The following SPATA7 variants were observed in gnomAD, a reference collection of about 807,000 sequenced individuals.
SPATA7 encodes spermatogenesis associated 7.
A neutral mutation model predicts 51.8 loss-of-function variants in SPATA7; 43 were observed. The ratio of observed to expected loss-of-function variants is 0.83; its 90% CI spans 0.65 to 1.07. The LOEUF (loss-of-function observed/expected upper bound fraction) is 1.07, where lower values mean the gene tolerates loss of function less well. SPATA7 is among the 50% of genes least tolerant of loss of function. The pLI is 0.00. For synonymous variants in SPATA7, 230 were observed against 252.8 expected (o/e 0.91, Z 0.86); for missense variants, 683 against 701.3 (o/e 0.97, Z 0.30).
chr14:88,442,172 C>CTGTT (rs56376187), downstream of SPATA7, among the ~76,000 whole-genome samples: 86,837 of 149,280 alleles, frequency 0.58, 26,073 homozygotes, highest in East Asian at 0.73. Context: ...GTCTATATGC[C>CTGTT]TGTTTGTTTG....
intron 3 of SPATA7, among the ~76,000 whole-genome samples, chr14:88,443,561 C>T (rs1261107862): frequency 1.3e-5 from 2 of 152,038 alleles, no homozygotes; most frequent in African/African-American, 4.8e-5. Flanking sequence ...ATACATGTGC[C>T]ATGCTGGTGC....
chr14:88,461,120 C>T (rs2077314474), intron 4 of SPATA7, among the ~76,000 whole-genome samples: 1 of 152,216 alleles, frequency 6.6e-6, no homozygotes, highest in Non-Finnish European at 1.5e-5. Flanking sequence ...TCTGCCCCTA[C>T]TGGGAGGTGC....
chr14:88,413,741 GT>G (rs34039966), intron 4 of SPATA7, among the ~76,000 whole-genome samples: 5,370 of 145,238 alleles, frequency 0.037, 306 homozygotes, highest in African/African-American at 0.13. Context: ...TTTGTTGAGG[GT>G]TTTTTTTTTT....
chr14:88,424,276 T>A (rs974665555), intron 5 of SPATA7, among the ~76,000 whole-genome samples: 1 of 152,200 alleles, frequency 6.6e-6, no homozygotes, highest in African/African-American at 2.4e-5. Context: ...AGATGCAGAT[T>A]GGTACAGTGG....
At chr14:88,419,893 A>G (rs2076593033) in intron 5 of SPATA7, among the ~76,000 whole-genome samples, 1 of 152,022 alleles carries the variant, frequency 6.6e-6, no homozygotes, top group Non-Finnish European at 1.5e-5. Context: ...ACAAAATTTG[A>G]AGACAACACC....
intron 4 of SPATA7, chr14:88,468,919 A>G: frequency 6.2e-7 from 1 of 1,614,070 alleles, no homozygotes; most frequent in Middle Eastern, 1.7e-4. Flanking sequence ...CCATCACCTC[A>G]TTGTGTTCCA....
chr14:88,395,870 T>G (rs2075865479), intron 3 of SPATA7, among the ~76,000 whole-genome samples: 1 of 152,128 alleles, frequency 6.6e-6, no homozygotes, highest in Admixed American at 6.5e-5. Context: ...CCATTTTGCT[T>G]TTTTTTCCCC....
intron 11 of SPATA7, 22 bp downstream of exon 11, chr14:88,437,619 C>A: frequency 1.3e-6 from 2 of 1,558,728 alleles, no homozygotes; most frequent in Non-Finnish European, 1.8e-6. Flanking sequence ...CTTATAACTT[C>A]ATTAGAAAAA....
intron 5 of SPATA7, among the ~76,000 whole-genome samples, chr14:88,417,409 C>G (rs1375543594): frequency 6.7e-6 from 1 of 150,222 alleles, no homozygotes; most frequent in Non-Finnish European, 1.5e-5. Context: ...TGGGTTGAAA[C>G]AATTCTCCTC....
chr14:88,444,584 C>T (rs898607946), intron 3 of SPATA7, among the ~76,000 whole-genome samples: 9 of 151,878 alleles, frequency 5.9e-5, no homozygotes, highest in African/African-American at 2.2e-4. Context: ...AATGGTAATG[C>T]CTAGGTTTTC....
At chr14:88,435,526 ATTCT>A (rs1278209586) in intron 10 of SPATA7, among the ~76,000 whole-genome samples, 1 of 152,018 alleles carries the variant, frequency 6.6e-6, no homozygotes, top group African/African-American at 2.4e-5. Flanking sequence ...GGTCTTATTC[ATTCT>A]TTCTATGTTT....
At chr14:88,402,116 A>G (rs2139906986) in intron 4 of SPATA7, among the ~76,000 whole-genome samples, 1 of 152,296 alleles carries the variant, frequency 6.6e-6, no homozygotes, top group East Asian at 1.9e-4. Context: ...TGTACACTGA[A>G]AACTATAAAA....
At chr14:88,426,771 TC>T in intron 6 of SPATA7, 67 bp downstream of exon 6, 1 of 1,390,034 alleles carries the variant, frequency 7.2e-7, no homozygotes, top group Non-Finnish European at 1.0e-6. Context: ...GAATTAATAT[TC>T]CTTGTTTTCT....
At chr14:88,401,203 C>A (rs900047472) in intron 4 of SPATA7, among the ~76,000 whole-genome samples, 2 of 152,194 alleles carry the variant, frequency 1.3e-5, no homozygotes, top group Non-Finnish European at 2.9e-5. Flanking sequence ...ATATGCAAAT[C>A]AACCAATGTG....
In SPATA7 at chr14:88,431,199, C is replaced by T. The variant is rs777510079; in HGVS notation, c.1056C>T (p.Pro352=). The T allele has an allele frequency of 8.1e-6, 13 of 1,613,528 alleles. No homozygotes were observed. Among genetic ancestry groups the T allele is most frequent in the Non-Finnish European group, 1.1e-5 (13 of 1,179,742 alleles). The change falls in exon 9 of 12, where the codon CCC becomes CCT. Residue 352 remains proline, a synonymous_variant. Transcript: ENST00000393545. The stretch of plus-strand genomic sequence containing the variant: ...CAATGTGTCAGTATTCCCTGAAGCC[C>T]CCTTCAACTCGTAAAATCTACTCTG... ...PRAMCQYSLK[P]PSTRKIYSDE...
At chr14:88,447,816 A>G (rs539838072) in intron 3 of SPATA7, among the ~76,000 whole-genome samples, 5 of 151,490 alleles carry the variant, frequency 3.3e-5, no homozygotes, top group South Asian at 2.1e-4. Flanking sequence ...ATTGGCCCCC[A>G]CTCTCTTCTG....
intron 4 of SPATA7, among the ~76,000 whole-genome samples, chr14:88,409,320 G>C (rs79396248): frequency 0.035 from 5,351 of 152,154 alleles, 302 homozygotes; most frequent in African/African-American, 0.12. Context: ...TTTAGTCTCA[G>C]GAGGATGTAT....
Position 88,469,636 on chromosome 14 carries a change from C to A in SPATA7, c.255-211C>A, listed in dbSNP as rs752596905. 15 of 1,614,026 alleles carry A rather than the reference C, an allele frequency of 9.3e-6. No individual in the cohort carries two copies. Among genetic ancestry groups the A allele is most frequent in the Non-Finnish European group, 1.3e-5 (15 of 1,180,034 alleles). ...GGTGGCATAGCAGCCAGAGTCTGTG[C>A]GGAACCGGGTCGTGATCTTAAACCT... On this transcript the variant is annotated intron_variant, in intron 4 of 4. Coordinates refer to the SPATA7 transcript ENST00000556406. The surrounding 1 kb of genome is among the most constrained non-coding windows in gnomAD (Gnocchi z 4.3).
At chr14:88,405,172 T>C (rs748986805) in intron 4 of SPATA7, among the ~76,000 whole-genome samples, 22 of 152,138 alleles carry the variant, frequency 1.4e-4, no homozygotes, top group Non-Finnish European at 2.9e-4. Context: ...TCATGATTGG[T>C]GTTTTCAAAA....
Sources: gnomAD v4.1 joint callset for allele counts (sites outside exome capture counted in the v4.1 genomes callset) on GRCh38, gnomAD v4.1.1 for gene constraint, Gnocchi (gnomAD v3.1) non-coding constraint, MANE v1.5 for transcripts, NCBI Gene and HGNC (gene_info 2026-07-23, HGNC 2026-07-21) for gene names.